ADGRG5: variants seen among roughly 807,000 people sequenced by gnomAD.
The protein encoded by ADGRG5 is adhesion G protein-coupled receptor G5.
In ADGRG5, 37 loss-of-function variants were observed where a neutral mutation model predicts 53.2. The ratio of observed to expected loss-of-function variants is 0.70; its 90% CI spans 0.53 to 0.91. ADGRG5 has a LOEUF of 0.91. Ranked by LOEUF, ADGRG5 falls within the 40% of genes least tolerant of loss-of-function variation. The pLI, the probability that ADGRG5 is intolerant of heterozygous loss-of-function variation, is 0.00. For missense variants in ADGRG5, 614 were observed against 675.8 expected (o/e 0.91, Z 1.01); for synonymous variants, 277 against 290.4 (o/e 0.95, Z 0.47).
At chr16:57,529,517 T>C in the ADGRG5 span, among the ~76,000 whole-genome samples, 1 of 152,164 alleles carries the variant, frequency 6.6e-6, no homozygotes, top group Non-Finnish European at 1.5e-5. This position sits in a 1 kb window ranked among gnomAD's most constrained non-coding sequence, Gnocchi z 4.1. Context: ...GACTCCCTGC[T>C]CCAATCCCTT....
At chr16:57,540,852 G>A (rs2032478642), upstream of ADGRG5, among the ~76,000 whole-genome samples, 1 of 152,148 alleles carries the variant, frequency 6.6e-6, no homozygotes, top group Non-Finnish European at 1.5e-5. Flanking sequence ...ATGCAGTGGT[G>A]CGATCTCGGC....
chr16:57,563,352 C>T (rs1385048401), intron 4 of ADGRG5, 105 bp downstream of exon 4: 1 of 974,572 alleles, frequency 1.0e-6, no homozygotes, highest in Admixed American at 1.9e-5. Context: ...TTCCTCCCCA[C>T]ACCCCACAGT....
chr16:57,544,141 G>A (rs1026694949), intron 1 of ADGRG5, among the ~76,000 whole-genome samples: 4 of 152,246 alleles, frequency 2.6e-5, no homozygotes, highest in Middle Eastern at 3.4e-3. Flanking sequence ...CAGTGTGCAG[G>A]GGGTAGTGCC....
rs149224359 is a variant in ADGRG5, at chr16:57,562,625, C to A, written c.140+166C>A. ...TGCAGGATGGGCATGTCACTGCCCT[C>A]ATGAAGTTTATCATCGAGGAATGGG... On this transcript the variant is annotated intron_variant, in intron 3 of 11. Coordinates refer to ENST00000349457, the MANE Select transcript of ADGRG5 (RefSeq NM_001304376.3). 67 of 589,450 alleles carry A rather than the reference C, an allele frequency of 1.1e-4. No homozygotes were observed. The East Asian group carries it at 1.9e-3, about 16-fold the overall frequency. The allele number at this position is 589,450 out of a possible 1,614,324, so 36.5% of individuals were successfully genotyped here.
At chr16:57,536,159 C>A in the ADGRG5 span, among the ~76,000 whole-genome samples, 1 of 152,226 alleles carries the variant, frequency 6.6e-6, no homozygotes, top group African/African-American at 2.4e-5. Flanking sequence ...TTCGCCATGG[C>A]GACCACGTTG....
At chr16:57,573,144 G>A (rs2033407334) in intron 10 of ADGRG5, among the ~76,000 whole-genome samples, 1 of 152,006 alleles carries the variant, frequency 6.6e-6, no homozygotes, top group South Asian at 2.1e-4. Flanking sequence ...ACCAAGAATT[G>A]GACAAGCCTG....
intron 1 of ADGRG5, among the ~76,000 whole-genome samples, chr16:57,546,021 T>TCA (rs538786973): frequency 4.3e-4 from 66 of 152,308 alleles, no homozygotes; most frequent in Admixed American, 1.2e-3. Context: ...AGACAGAGTT[T>TCA]CACCTTGTTG....
chr16:57,535,603 G>A, the ADGRG5 span, among the ~76,000 whole-genome samples: 2 of 152,032 alleles, frequency 1.3e-5, no homozygotes, highest in Admixed American at 6.5e-5. Flanking sequence ...ATGGTGGGGT[G>A]AACCTTCATG....
At chr16:57,572,452 G>C (rs1016596982) in intron 10 of ADGRG5, among the ~76,000 whole-genome samples, 4 of 151,298 alleles carry the variant, frequency 2.6e-5, no homozygotes, top group Admixed American at 6.6e-5. Flanking sequence ...CAGCCTGGGC[G>C]ACAGCGAGAC....
rs118127254 is a variant in ADGRG5, at chr16:57,575,709, G to A, written c.*171G>A. 11,617 of 592,194 alleles carry A rather than the reference G, an allele frequency of 0.02. 190 individuals carry two copies. Among genetic ancestry groups the A allele is most frequent in the South Asian group, 0.061 (3,029 of 49,844 alleles). The allele number at this position is 592,194 out of a possible 1,614,324, so 36.7% of individuals were successfully genotyped here. On this transcript the variant is annotated 3_prime_UTR_variant, in exon 12 of 12. Transcript: ENST00000349457. ...CTCCAGGCACTGAGGGGAAGGCATT[G>A]CTCTACCTCTCCCTGACATTTTGCT...
In ADGRG5 at chr16:57,575,664, C is replaced by T; in HGVS notation, c.*126C>T. ...GAGGCCACTGTGACCGCCAAGGGGCCTTTTCCACTTCCACGGCCTCTCCAG... is the reference window on the plus strand; with the variant it reads ...GAGGCCACTGTGACCGCCAAGGGGCTTTTTCCACTTCCACGGCCTCTCCAG... On this transcript the variant is annotated 3_prime_UTR_variant, in exon 12 of 12. Coordinates refer to ENST00000349457, the MANE Select transcript of ADGRG5 (RefSeq NM_001304376.3). The T allele has an allele frequency of 2.9e-6, 2 of 698,242 alleles. No homozygotes were observed. Among genetic ancestry groups the T allele is most frequent in the South Asian group, 1.7e-5 (1 of 59,016 alleles). The allele number at this position is 698,242 out of a possible 1,614,324, so 43.3% of individuals were successfully genotyped here. A position where few individuals can be genotyped will look rare whatever the true frequency, so the allele number is the denominator to read the frequency against.
intron 9 of ADGRG5, among the ~76,000 whole-genome samples, chr16:57,568,577 C>CCTCCGTGAT (rs2033216255): frequency 6.7e-6 from 1 of 149,704 alleles, no homozygotes; most frequent in African/African-American, 2.5e-5. Context: ...ACCTCCATCA[C>CCTCCGTGAT]CACCTCCTCC....
In ADGRG5 at chr16:57,570,328, G is replaced by A. The variant is rs1435547405; in HGVS notation, c.1091-90G>A. 19 of 765,444 alleles carry A rather than the reference G, an allele frequency of 2.5e-5. No individual in the cohort carries two copies. In the East Asian group the frequency reaches 4.8e-4, roughly 19 times the overall value. The allele number at this position is 765,444 out of a possible 1,614,324, so 47.4% of individuals were successfully genotyped here. On this transcript the variant is annotated intron_variant, in intron 9 of 11. Transcript: ENST00000349457. The stretch of plus-strand genomic sequence containing the variant: ...TCCTCTCAGTTGTCCCTTGACCAGT[G>A]AAATTCTGTGTCAGCAGCCCCAGGG...
chr16:57,566,850 C>A (rs1246362429), intron 7 of ADGRG5, 99 bp downstream of exon 7: 4 of 1,122,894 alleles, frequency 3.6e-6, no homozygotes, highest in Non-Finnish European at 4.7e-6. Context: ...GAAAGTCCAA[C>A]TGAAATGGGC....
chr16:57,529,655 G>A, the ADGRG5 span, among the ~76,000 whole-genome samples: 1 of 152,186 alleles, frequency 6.6e-6, no homozygotes, highest in African/African-American at 2.4e-5. This position sits in a 1 kb window ranked among gnomAD's most constrained non-coding sequence, Gnocchi z 4.1. Flanking sequence ...CACTGGGCTG[G>A]TGCCAGGAGT....
chr16:57,539,736 C>T (rs528922074), upstream of ADGRG5, among the ~76,000 whole-genome samples: 16 of 150,746 alleles, frequency 1.1e-4, no homozygotes, highest in East Asian at 2.0e-3. Flanking sequence ...ATTATAGGTG[C>T]GAGCCAACCC....
intron 1 of ADGRG5, among the ~76,000 whole-genome samples, chr16:57,543,383 A>G (rs996455250): frequency 2.0e-5 from 3 of 147,180 alleles, no homozygotes; most frequent in Non-Finnish European, 4.4e-5. Flanking sequence ...CCCAGGTTCA[A>G]GCGATTCTCC....
At chr16:57,561,562 A>C (rs1428577928) in intron 1 of ADGRG5, among the ~76,000 whole-genome samples, 1 of 151,822 alleles carries the variant, frequency 6.6e-6, no homozygotes, top group Non-Finnish European at 1.5e-5. Flanking sequence ...ATTCCCTCTC[A>C]TTTTAGTGGG....
At chr16:57,532,902 T>C in the ADGRG5 span, among the ~76,000 whole-genome samples, 2 of 152,092 alleles carry the variant, frequency 1.3e-5, no homozygotes, top group East Asian at 1.9e-4. Context: ...CCGGGCCCTG[T>C]CTGCTGGGCC....
Sources: allele counts gnomAD v4.1 joint callset (sites outside exome capture counted in the v4.1 genomes callset), GRCh38; gene constraint gnomAD v4.1.1; non-coding constraint Gnocchi (gnomAD v3.1); transcripts MANE v1.5; gene names NCBI Gene and HGNC (gene_info 2026-07-23, HGNC 2026-07-21).